ANO2: variants seen among roughly 807,000 people sequenced by gnomAD.
ANO2 encodes the protein anoctamin 2, also known as anoctamin-2.
Under a neutral mutation model 124.2 loss-of-function variants are expected in ANO2, and 101 were observed. The ratio of observed to expected loss-of-function variants is 0.81; its 90% CI spans 0.69 to 0.96. The LOEUF is 0.96. Among genes scored for constraint, ANO2 ranks in the 40% least tolerant of loss-of-function variants. The pLI is 0.00. For missense variants in ANO2, 1,293 were observed against 1,274.5 expected (o/e 1.01, Z -0.22); for synonymous variants, 486 against 482.5 (o/e 1.01, Z -0.09).
In ANO2 at chr12:5,916,491, T is replaced by TAAAAAAAAAAAAAAAA. The variant is rs769233593; in HGVS notation, c.534+4548_534+4549insTTTTTTTTTTTTTTTT. Among the ~76,000 whole-genome samples, 14 of 98,124 alleles carry TAAAAAAAAAAAAAAAA rather than the reference T, an allele frequency of 1.4e-4. 1 individual carries two copies. The highest frequency in any genetic ancestry group is 2.5e-4 in the East Asian group (1 of 4,008). The allele number at this position is 98,124 out of a possible 152,430, so 64.4% of individuals were successfully genotyped here. A position where few individuals can be genotyped will look rare whatever the true frequency, so the allele number is the denominator to read the frequency against. On this transcript the variant is annotated intron_variant, in intron 3 of 24. Transcript: ENST00000682330. ...CTCTGAATAGAAAAATCGCAGCAGG[T>TAAAAAAAAAAAAAAAA]TAAAAAAAAAAAAAAAAAAAAAGGC...
intron 3 of ANO2, among the ~76,000 whole-genome samples, chr12:5,909,027 G>A (rs145523019): frequency 1.4e-4 from 21 of 152,276 alleles, no homozygotes; most frequent in Non-Finnish European, 5.9e-5. Context: ...AGCAGGAAGG[G>A]GCCCTGGAGA....
intron 14 of ANO2, among the ~76,000 whole-genome samples, chr12:5,706,079 C>T (rs1173026990): frequency 6.6e-5 from 10 of 152,180 alleles, no homozygotes; most frequent in African/African-American, 2.2e-4. Context: ...GTGCATTGTA[C>T]GCTGGCTTTG....
rs76099390 is a variant in ANO2, at chr12:5,840,361, C to T, written c.634-7758G>A. ...TTTTTTCCTTCTTGTCTCCCTCAGC[C>T]TCTCCTCTGCAGAGGGGCACAGCAG... On this transcript the variant is annotated intron_variant, in intron 4 of 24. Transcript: ENST00000682330. 3.7e-3 allele frequency among the ~76,000 whole-genome samples: 559 copies of T among 152,224 alleles called. 5 individuals are homozygous for T. The highest frequency in any genetic ancestry group is 0.013 in the African/African-American group (545 of 41,534).
intron 14 of ANO2, among the ~76,000 whole-genome samples, chr12:5,683,910 T>C (rs979730859): frequency 2.0e-5 from 3 of 150,676 alleles, no homozygotes; most frequent in African/African-American, 7.4e-5. Flanking sequence ...CCAAGCTGTC[T>C]TGTCTCCCCT....
intron 13 of ANO2, among the ~76,000 whole-genome samples, chr12:5,735,974 C>T (rs767718436): frequency 3.3e-5 from 5 of 152,230 alleles, no homozygotes; most frequent in Non-Finnish European, 7.3e-5. Flanking sequence ...CTCTAAGAGG[C>T]CCAGGGTATT....
chr12:5,669,315 GTTCA>G (rs1170379876), intron 14 of ANO2, among the ~76,000 whole-genome samples: 1 of 151,932 alleles, frequency 6.6e-6, no homozygotes, highest in Non-Finnish European at 1.5e-5. Flanking sequence ...GTGAATGGGA[GTTCA>G]TTCATGATTT....
intron 14 of ANO2, among the ~76,000 whole-genome samples, chr12:5,677,784 G>T (rs375539014): frequency 9.2e-5 from 14 of 152,208 alleles, no homozygotes; most frequent in Admixed American, 9.2e-4. Context: ...AGAAGCATTT[G>T]TCCCGGCTTT....
chr12:5,851,452 C>A (rs1327392126), intron 4 of ANO2, among the ~76,000 whole-genome samples: 1 of 151,960 alleles, frequency 6.6e-6, no homozygotes, highest in African/African-American at 2.4e-5. Flanking sequence ...CTTTGGGAAG[C>A]CGAGGCGGGC....
intron 10 of ANO2, among the ~76,000 whole-genome samples, chr12:5,759,839 C>T (rs1397622289): frequency 6.6e-6 from 1 of 151,684 alleles, no homozygotes; most frequent in Admixed American, 6.6e-5. Flanking sequence ...AAAATGAAGG[C>T]AAAACAATGT....
rs1947264281 is a variant in ANO2 at position 5,658,316 on chromosome 12, G to C, written c.1546-10515C>G. 6.6e-6 allele frequency among the ~76,000 whole-genome samples: 1 copy of C among 152,156 alleles called. No individual in the cohort carries two copies. Among genetic ancestry groups the C allele is most frequent in the African/African-American group, 2.4e-5 (1 of 41,430 alleles). ...TGGAGATGAAATGAGGTAATGCATG[G>C]AATATACATAGAACTGTCCCTGGCA... On this transcript the variant is annotated intron_variant, in intron 14 of 24. Transcript: ENST00000682330. The surrounding 1 kb of genome is among the most constrained non-coding windows in gnomAD (Gnocchi z 4.3).
chr12:5,751,445 C>T (rs7295104), intron 10 of ANO2, among the ~76,000 whole-genome samples: 135,292 of 152,260 alleles, frequency 0.89, 60,232 homozygotes, highest in East Asian at 0.99. Context: ...CACACACTTA[C>T]TGAAAAACGA....
intron 6 of ANO2, among the ~76,000 whole-genome samples, chr12:5,828,707 G>A (rs933928898): frequency 2.6e-5 from 4 of 152,238 alleles, no homozygotes; most frequent in Non-Finnish European, 4.4e-5. Flanking sequence ...TACATGGGAG[G>A]AAAGGGGTGC....
rs964216461 is a variant in ANO2, at chr12:5,697,462, T to TA, written c.1545+35057dup. Reference sequence around the variant, plus strand: ...AAATAAATAAATAAAATTAAAAAATTAAAAAAAATAGAGGTTCCAAGATGG... The same window carrying TA: ...AAATAAATAAATAAAATTAAAAAATTAAAAAAAAATAGAGGTTCCAAGATGG... On this transcript the variant is annotated intron_variant, in intron 14 of 24. Coordinates refer to ENST00000682330, the MANE Select transcript of ANO2 (RefSeq NM_001364791.2). Among the ~76,000 whole-genome samples the TA allele has an allele frequency of 3.3e-5, 5 of 151,448 alleles. No individual in the cohort carries two copies. The East Asian group carries it at 9.7e-4, about 29-fold the overall frequency.
In ANO2 at chr12:5,922,727, C is replaced by T; in HGVS notation, c.100G>A (p.Gly34Arg). The T allele has an allele frequency of 6.2e-7, 1 of 1,601,104 alleles. No individual in the cohort carries two copies. Residue 34 changes from glycine to arginine, a missense_variant, in exon 2 of 25, where the codon GGA becomes AGA. Transcript: ENST00000682330. ...CCTGGCATCTTGAGACACTGCTGTCCATGTTTGGGGCCCTGGCCCCCTCTG... is the reference window on the plus strand; with the variant it reads ...CCTGGCATCTTGAGACACTGCTGTCTATGTTTGGGGCCCTGGCCCCCTCTG... ...GSRGGQGPKH[G>R]QQCLKMPGPR...
chr12:5,694,373 G>A (rs1375571530), intron 14 of ANO2, among the ~76,000 whole-genome samples: 1 of 152,048 alleles, frequency 6.6e-6, no homozygotes, highest in Admixed American at 6.6e-5. Context: ...GTCAGATACA[G>A]GCAGCCAACA....
intron 10 of ANO2, among the ~76,000 whole-genome samples, chr12:5,784,420 G>C (rs1952486108): frequency 6.6e-6 from 1 of 152,198 alleles, no homozygotes; most frequent in South Asian, 2.1e-4. Flanking sequence ...GCTGGTTCCT[G>C]CCACAGTGTA....
At chr12:5,693,761 C>T (rs1015157531) in intron 14 of ANO2, among the ~76,000 whole-genome samples, 8 of 152,128 alleles carry the variant, frequency 5.3e-5, no homozygotes, top group African/African-American at 1.9e-4. Flanking sequence ...CGAGTTTGCT[C>T]TACATCAGGA....
intron 16 of ANO2, among the ~76,000 whole-genome samples, chr12:5,615,505 A>G (rs1015118755): frequency 1.3e-5 from 2 of 152,170 alleles, no homozygotes; most frequent in African/African-American, 4.8e-5. Flanking sequence ...GATAAAAAAT[A>G]TAGGATCACT....
chr12:5,570,113 T>C (rs150943457), intron 23 of ANO2, among the ~76,000 whole-genome samples: 2 of 152,264 alleles, frequency 1.3e-5, no homozygotes, highest in African/African-American at 2.4e-5. Flanking sequence ...TTTAAAATTA[T>C]GTTAATATTT....
Sources: allele counts gnomAD v4.1 joint callset (sites outside exome capture counted in the v4.1 genomes callset), GRCh38; gene constraint gnomAD v4.1.1; non-coding constraint Gnocchi (gnomAD v3.1); transcripts MANE v1.5; gene names NCBI Gene and HGNC (gene_info 2026-07-23, HGNC 2026-07-21).